Variants in MAP3K20 observed in about 807,000 individuals in gnomAD.
The protein encoded by MAP3K20 is mitogen-activated protein kinase kinase kinase 20, also known as HCCS-4.
MAP3K20 carries 40 observed loss-of-function variants against 85.7 expected under a neutral mutation model. The ratio of observed to expected loss-of-function variants is 0.47; its 90% CI spans 0.36 to 0.61. The LOEUF is 0.61. MAP3K20 is among the 20% of genes least tolerant of loss of function. MAP3K20 has a pLI of 0.00. For missense variants in MAP3K20, 817 were observed against 961.7 expected (o/e 0.85, Z 1.99); for synonymous variants, 325 against 327.7 (o/e 0.99, Z 0.09).
At chr2:173,105,728 G>A (rs1382250965) in intron 2 of MAP3K20, among the ~76,000 whole-genome samples, 2 of 152,252 alleles carry the variant, frequency 1.3e-5, no homozygotes, top group South Asian at 4.1e-4. Flanking sequence ...GAGACAAAAA[G>A]TAGAATAGAG....
rs1196964589 is a variant in MAP3K20 at position 173,209,888 on chromosome 2, C to CT, written c.851+53_851+54insT. ...CGTCTGGCTTTCAAAGACCATCACTCGTCTCAATGAAGAAGTGAACCAGAG... is the reference window on the plus strand; with the variant it reads ...CGTCTGGCTTTCAAAGACCATCACTCTGTCTCAATGAAGAAGTGAACCAGAG... On this transcript the variant is annotated intron_variant, in intron 10 of 19. Transcript: ENST00000375213. The CT allele has an allele frequency of 2.1e-6, 3 of 1,434,878 alleles. No individual in the cohort carries two copies. In the African/African-American group the frequency reaches 4.2e-5, roughly 20 times the overall value. 88.9% of individuals were successfully genotyped at this position (1,434,878 alleles called of 1,614,324 possible).
At position 173,266,539 on chromosome 2, in the gene MAP3K20, A is replaced by G. The variant is rs767063842; in HGVS notation, c.2192A>G (p.Lys731Arg). ...AATCCTCACCAGTCGCCTGACTTCAAGAGAAGCCCCAGGGACCTCCACCAA... is the reference window on the plus strand; with the variant it reads ...AATCCTCACCAGTCGCCTGACTTCAGGAGAAGCCCCAGGGACCTCCACCAA... ...ALNPHQSPDF[K>R]RSPRDLHQPN... The change falls in exon 20 of 20, where the codon AAG becomes AGG. Residue 731 changes from lysine to arginine, a missense_variant. This residue lies in a region of MAP3K20 where 454 missense variants were observed against 476.9 expected (regional missense o/e 0.95). Coordinates refer to ENST00000375213, the MANE Select transcript of MAP3K20 (RefSeq NM_016653.3). 51 of 1,613,846 alleles carry G rather than the reference A, an allele frequency of 3.2e-5. No homozygotes were observed. The highest frequency in any genetic ancestry group is 4.1e-5 in the Non-Finnish European group (48 of 1,179,962).
In MAP3K20 at chr2:173,118,951, G is replaced by A. The variant is rs760706049; in HGVS notation, c.159+27761G>A. ...TGGATAATACCATGATATAGTAGATGCTTCAGTATGAAAACAGTAGATTGT... is the reference window on the plus strand; with the variant it reads ...TGGATAATACCATGATATAGTAGATACTTCAGTATGAAAACAGTAGATTGT... On this transcript the variant is annotated intron_variant, in intron 2 of 19. Coordinates refer to ENST00000375213, the MANE Select transcript of MAP3K20 (RefSeq NM_016653.3). 2.4e-4 allele frequency among the ~76,000 whole-genome samples: 37 copies of A among 152,312 alleles called. 1 individual carries two copies. The highest frequency in any genetic ancestry group is 3.4e-3 in the Middle Eastern group (1 of 294).
At chr2:173,143,076 G>A (rs552196814) in intron 2 of MAP3K20, among the ~76,000 whole-genome samples, 2 of 152,192 alleles carry the variant, frequency 1.3e-5, no homozygotes, top group East Asian at 3.9e-4. Context: ...CCAACTATAT[G>A]CTATCTACAA....
At chr2:173,081,189 A>AT (rs55900314) in intron 1 of MAP3K20, among the ~76,000 whole-genome samples, 2,149 of 140,866 alleles carry the variant, frequency 0.015, 32 homozygotes, top group African/African-American at 0.031. Context: ...AAAAAGACAA[A>AT]TTTTTTTTTT....
At chr2:173,099,755 G>A (rs959665477) in intron 2 of MAP3K20, among the ~76,000 whole-genome samples, 1 of 152,112 alleles carries the variant, frequency 6.6e-6, no homozygotes, top group African/African-American at 2.4e-5. Context: ...TTGACCGATG[G>A]TTAAAACTGC....
At chr2:173,091,388 A>T (rs900731309) in intron 2 of MAP3K20, among the ~76,000 whole-genome samples, 198 bp downstream of exon 2, 2 of 151,812 alleles carry the variant, frequency 1.3e-5, no homozygotes, top group African/African-American at 2.4e-5. Flanking sequence ...GTTGAGTTCT[A>T]CTAGGGGTCA....
chr2:173,184,854 G>C (rs1479474489), intron 4 of MAP3K20, among the ~76,000 whole-genome samples: 2 of 150,970 alleles, frequency 1.3e-5, no homozygotes, highest in African/African-American at 2.4e-5. Context: ...GGTTTGCAGT[G>C]AGCCAACATC....
In MAP3K20 at chr2:173,266,904, G is replaced by C; in HGVS notation, c.*154G>C. On this transcript the variant is annotated 3_prime_UTR_variant, in exon 20 of 20. Coordinates refer to ENST00000375213, the MANE Select transcript of MAP3K20 (RefSeq NM_016653.3). The stretch of plus-strand genomic sequence containing the variant: ...GAAATACCTTCTAATTGAGACTATA[G>C]CCAAACCAGGGCCAAAATTATGGAT... 2 of 744,870 alleles carry C rather than the reference G, an allele frequency of 2.7e-6. No homozygotes were observed. Among genetic ancestry groups the C allele is most frequent in the Non-Finnish European group, 3.9e-6 (2 of 514,854 alleles). 46.1% of individuals were successfully genotyped at this position (744,870 alleles called of 1,614,324 possible).
intron 11 of MAP3K20, chr2:173,222,322 T>C: frequency 2.0e-6 from 2 of 985,932 alleles, no homozygotes; most frequent in Non-Finnish European, 2.4e-6. Context: ...GAATTTTTAG[T>C]ACTAAAGAGC....
intron 2 of MAP3K20, among the ~76,000 whole-genome samples, chr2:173,118,401 T>C (rs1683020615): frequency 6.6e-6 from 1 of 152,198 alleles, no homozygotes; most frequent in South Asian, 2.1e-4. Context: ...GTTATAAGTT[T>C]GTGGTAGGGG....
intron 15 of MAP3K20, among the ~76,000 whole-genome samples, chr2:173,239,135 T>C (rs1004603861): frequency 6.6e-6 from 1 of 152,146 alleles, no homozygotes; most frequent in African/African-American, 2.4e-5. Flanking sequence ...TAGGGTAAAA[T>C]TGCACAATGC....
chr2:173,266,420 T>C lies in MAP3K20; in HGVS notation c.2073T>C (p.Ser691=), dbSNP rs1242644304. ...YGRGSISLNS[S]PRGRYSGKSQ... ...GTGGTAGTATATCACTCAATTCTTC[T>C]CCTAGAGGAAGATACAGTGGAAAGA... The change falls in exon 20 of 20, where the codon TCT becomes TCC. Residue 691 remains serine, a synonymous_variant. Coordinates refer to ENST00000375213, the MANE Select transcript of MAP3K20 (RefSeq NM_016653.3). 6.2e-7 allele frequency: 1 copy of C among 1,613,902 alleles called. No individual in the cohort carries two copies. The highest frequency in any genetic ancestry group is 1.3e-5 in the African/African-American group (1 of 74,888).
chr2:173,200,528 T>C (rs1473370998), intron 8 of MAP3K20, among the ~76,000 whole-genome samples: 1 of 152,260 alleles, frequency 6.6e-6, no homozygotes, highest in East Asian at 1.9e-4. Context: ...TTTTAAATGT[T>C]ATCTAGTCAT....
chr2:173,222,246 A>G (rs1310192174), intron 11 of MAP3K20: 3 of 985,728 alleles, frequency 3.0e-6, no homozygotes, highest in Non-Finnish European at 3.6e-6. Context: ...ACAAAATCCA[A>G]CAACAATACT....
chr2:173,111,209 T>G (rs920048106), intron 2 of MAP3K20, among the ~76,000 whole-genome samples: 15 of 152,256 alleles, frequency 9.9e-5, no homozygotes, highest in Non-Finnish European at 1.9e-4. Flanking sequence ...TTCATATGGT[T>G]GTTGGCCATT....
At chr2:173,226,674 A>C (rs757010693) in intron 11 of MAP3K20, 169 of 985,764 alleles carry the variant, frequency 1.7e-4, no homozygotes, top group Non-Finnish European at 2.0e-4. Context: ...TATTTACTTC[A>C]AAACTAGAGT....
chr2:173,248,926 A>G (rs570691448), intron 16 of MAP3K20, among the ~76,000 whole-genome samples: 37 of 152,340 alleles, frequency 2.4e-4, no homozygotes, highest in South Asian at 1.7e-3. Flanking sequence ...ATTGCTGGTT[A>G]CCAACTATAA....
intron 11 of MAP3K20, among the ~76,000 whole-genome samples, chr2:173,218,284 T>G (rs944244697): frequency 6.6e-6 from 1 of 152,168 alleles, no homozygotes; most frequent in African/African-American, 2.4e-5. Context: ...TCCCAACTTG[T>G]GTGGAGAAGC....
Sources: gnomAD v4.1 joint callset for allele counts (sites outside exome capture counted in the v4.1 genomes callset) on GRCh38, gnomAD v4.1.1 for gene constraint, gnomAD v4.1.1 regional missense constraint, MANE v1.5 for transcripts, NCBI Gene and HGNC (gene_info 2026-07-23, HGNC 2026-07-21) for gene names.